PTGFRN: variants seen among roughly 807,000 people sequenced by gnomAD.
The protein encoded by PTGFRN is prostaglandin F2 receptor inhibitor.
PTGFRN carries 35 observed loss-of-function variants against 83.2 expected under a neutral mutation model. The ratio of observed to expected loss-of-function variants is 0.42; its 90% CI spans 0.32 to 0.56. The LOEUF (loss-of-function observed/expected upper bound fraction) is 0.56, where lower values mean the gene tolerates loss of function less well. Among genes scored for constraint, PTGFRN ranks in the 20% least tolerant of loss-of-function variants. The pLI is 0.11. For synonymous variants in PTGFRN, 519 were observed against 498.6 expected (o/e 1.04, Z -0.55); for missense variants, 1,051 against 1,179.5 (o/e 0.89, Z 1.60).
At chr1:116,942,723 C>T (rs192234192) in intron 2 of PTGFRN, among the ~76,000 whole-genome samples, 10 of 152,244 alleles carry the variant, frequency 6.6e-5, no homozygotes, top group African/African-American at 2.4e-4. Flanking sequence ...GCTTATTGAC[C>T]TAGCTTTGCA....
intron 7 of PTGFRN, among the ~76,000 whole-genome samples, chr1:116,980,438 C>CAA (rs1651280378): frequency 6.6e-6 from 1 of 152,024 alleles, no homozygotes; most frequent in Non-Finnish European, 1.5e-5. Context: ...TTCACAATAG[C>CAA]AGACTTGGAA....
rs754283392 is a variant in PTGFRN at position 116,945,045 on chromosome 1, T to G, written c.785T>G (p.Ile262Ser). Residue 262 changes from isoleucine to serine, a missense_variant, in exon 3 of 9, where the codon ATC becomes AGC. Physicochemically the swap from Ile to Ser is moderately radical, Grantham distance 142. Around this residue, in one of 3 missense-constraint regions of PTGFRN, gnomAD observed 719 missense variants for 836.6 expected, o/e 0.86. Coordinates refer to ENST00000393203, the MANE Select transcript of PTGFRN (RefSeq NM_020440.4). ...WIAEQGNWQEIQEKAVEVATV... is the reference protein window; with the variant it reads ...WIAEQGNWQESQEKAVEVATV... ...GCCGAGCAGGGCAACTGGCAGGAAA[T>G]CCAAGAAAAGGCCGTGGAAGTTGCC... is the stretch of plus-strand genomic sequence containing the variant. The G allele has an allele frequency of 6.2e-7, 1 of 1,613,598 alleles. No homozygotes were observed. The highest frequency in any genetic ancestry group is 8.5e-7 in the Non-Finnish European group (1 of 1,179,916).
intron 1 of PTGFRN, among the ~76,000 whole-genome samples, chr1:116,927,620 G>T (rs550029213): frequency 6.9e-6 from 1 of 144,822 alleles, no homozygotes; most frequent in South Asian, 2.1e-4. Flanking sequence ...TGCAACCTTT[G>T]CTTCCCAGGC....
At chr1:116,940,797 C>G (rs921797591) in intron 1 of PTGFRN, among the ~76,000 whole-genome samples, 3 of 152,192 alleles carry the variant, frequency 2.0e-5, no homozygotes, top group Non-Finnish European at 2.9e-5. Flanking sequence ...ATTGCAAGAA[C>G]ATCACAAAGG....
At chr1:116,937,483 G>C (rs1484777103) in intron 1 of PTGFRN, among the ~76,000 whole-genome samples, 1 of 152,226 alleles carries the variant, frequency 6.6e-6, no homozygotes, top group Non-Finnish European at 1.5e-5. Flanking sequence ...GGGGGTGGCT[G>C]ATGGGTTGAT....
chr1:116,966,189 A>G (rs1371257385), intron 5 of PTGFRN, among the ~76,000 whole-genome samples: 1 of 152,284 alleles, frequency 6.6e-6, no homozygotes, highest in East Asian at 1.9e-4. Context: ...TAATGTGTAC[A>G]TGCATAGGCA....
intron 1 of PTGFRN, among the ~76,000 whole-genome samples, chr1:116,926,013 G>A (rs1329977661): frequency 1.3e-5 from 2 of 152,196 alleles, no homozygotes; most frequent in African/African-American, 2.4e-5. Flanking sequence ...GCTCGGCATA[G>A]ACCCCTCATC....
chr1:116,976,517 C>T (rs1034472413), intron 7 of PTGFRN, among the ~76,000 whole-genome samples: 9 of 152,186 alleles, frequency 5.9e-5, no homozygotes, highest in East Asian at 1.9e-4. Context: ...AGATTAACAG[C>T]GGATCTCTTG....
intron 1 of PTGFRN, among the ~76,000 whole-genome samples, chr1:116,939,996 C>T (rs964737580): frequency 3.9e-5 from 6 of 152,168 alleles, no homozygotes; most frequent in Admixed American, 6.5e-5. Flanking sequence ...GGGACCTTGT[C>T]GTTATCAGGC....
intron 1 of PTGFRN, among the ~76,000 whole-genome samples, chr1:116,935,048 A>G (rs1649887617): frequency 6.6e-6 from 1 of 152,140 alleles, no homozygotes; most frequent in Non-Finnish European, 1.5e-5. Flanking sequence ...AATTTTACTT[A>G]ACCTTTAGCC....
At chr1:116,944,461 C>T (rs1221102531) in intron 2 of PTGFRN, among the ~76,000 whole-genome samples, 1 of 152,180 alleles carries the variant, frequency 6.6e-6, no homozygotes, top group African/African-American at 2.4e-5. Flanking sequence ...TTTTTACCAC[C>T]CACTTCTAGC....
At chr1:116,976,194 A>C (rs1651151243) in intron 7 of PTGFRN, among the ~76,000 whole-genome samples, 2 of 152,194 alleles carry the variant, frequency 1.3e-5, no homozygotes, top group South Asian at 4.1e-4. Context: ...AAAGAAATGA[A>C]CAAAGCCTCC....
chr1:116,949,644 C>T (rs775230194), intron 4 of PTGFRN, 72 bp downstream of exon 4: 1 of 1,528,538 alleles, frequency 6.5e-7, no homozygotes, highest in African/African-American at 1.4e-5. Flanking sequence ...AAGGAGTTAT[C>T]TCAGGAGGCT....
At position 116,910,133 on chromosome 1, in the gene PTGFRN, C is replaced by T. The variant is rs1570638445; in HGVS notation, c.-71C>T. 3 of 1,475,374 alleles carry T rather than the reference C, an allele frequency of 2.0e-6. No homozygotes were observed. The highest frequency in any genetic ancestry group is 2.7e-6 in the Non-Finnish European group (3 of 1,100,490). 91.4% of individuals were successfully genotyped at this position (1,475,374 alleles called of 1,614,324 possible). The stretch of plus-strand genomic sequence containing the variant: ...AGCGCCGACTCTGGAGCAGCCGGAG[C>T]TGGAAGAGGAGGAGGAGGAGAGGCG... On this transcript the variant is annotated 5_prime_UTR_variant, in exon 1 of 9. Coordinates refer to ENST00000393203, the MANE Select transcript of PTGFRN (RefSeq NM_020440.4).
chr1:116,977,160 CAAG>C (rs1651181320), intron 7 of PTGFRN, among the ~76,000 whole-genome samples: 2 of 152,148 alleles, frequency 1.3e-5, no homozygotes, highest in South Asian at 4.1e-4. Context: ...ATCAATTCAA[CAAG>C]AAGAACTAAC....
chr1:116,955,074 T>C lies in PTGFRN; in HGVS notation c.1213+5502T>C, dbSNP rs539087068. 4.7e-4 allele frequency among the ~76,000 whole-genome samples: 71 copies of C among 152,376 alleles called. 2 individuals carry two copies. The South Asian group carries it at 0.014, about 31-fold the overall frequency. On this transcript the variant is annotated intron_variant, in intron 4 of 8. Coordinates refer to ENST00000393203, the MANE Select transcript of PTGFRN (RefSeq NM_020440.4). ...GGCCCACAATACTTGTTTTTACAAA[T>C]TAGCCAGTGATTCTGAAGGCTTTTT... is the stretch of plus-strand genomic sequence containing the variant.
chr1:116,942,985 A>G (rs1244144838), intron 2 of PTGFRN, among the ~76,000 whole-genome samples: 2 of 152,260 alleles, frequency 1.3e-5, no homozygotes, highest in Non-Finnish European at 2.9e-5. Flanking sequence ...CTAAGAAAAT[A>G]GAAACATTAT....
chr1:116,963,104 G>T (rs1650713964), intron 5 of PTGFRN, among the ~76,000 whole-genome samples: 1 of 152,164 alleles, frequency 6.6e-6, no homozygotes, highest in South Asian at 2.1e-4. Flanking sequence ...GCAGCTTTCT[G>T]CAGCCTCCCT....
chr1:116,974,462 A>C (rs1300410084), intron 7 of PTGFRN, 139 bp downstream of exon 7: 1 of 604,886 alleles, frequency 1.7e-6, no homozygotes, highest in East Asian at 2.8e-5. Context: ...AGTACTTTGT[A>C]CTCATTAAGT....
Sources: gnomAD v4.1 joint callset for allele counts (sites outside exome capture counted in the v4.1 genomes callset) on GRCh38, gnomAD v4.1.1 for gene constraint, gnomAD v4.1.1 regional missense constraint, MANE v1.5 for transcripts, NCBI Gene and HGNC (gene_info 2026-07-23, HGNC 2026-07-21) for gene names.